The following KPNA4 variants were observed in gnomAD, a reference collection of about 807,000 sequenced individuals.
KPNA4 encodes karyopherin subunit alpha 4.
In KPNA4, 13 loss-of-function variants were observed where a neutral mutation model predicts 71.3. That is an observed-to-expected ratio of 0.18 (90% CI 0.12 to 0.29). KPNA4 has a LOEUF of 0.29. Ranked by LOEUF, KPNA4 falls within the 10% of genes least tolerant of loss-of-function variation. KPNA4 has a pLI of 1.00. For missense variants in KPNA4, 334 were observed against 603.2 expected, an observed-to-expected ratio of 0.55 and a Z score of 4.67; for synonymous variants, 189 against 195.2, an observed-to-expected ratio of 0.97 and a Z score of 0.26.
intron 11 of KPNA4, among the ~76,000 whole-genome samples, chr3:160,520,120 A>G (rs1229954485): frequency 6.6e-6 from 1 of 152,184 alleles, no homozygotes; most frequent in Non-Finnish European, 1.5e-5. Flanking sequence ...GGAAAAACAA[A>G]AAACAAAATA....
intron 1 of KPNA4, among the ~76,000 whole-genome samples, chr3:160,561,443 T>C (rs1191957674): frequency 5.9e-5 from 9 of 152,044 alleles, no homozygotes; most frequent in Admixed American, 5.9e-4. Flanking sequence ...TCTACAACAC[T>C]GTAAGAAGCA....
At chr3:160,518,051 T>TAA (rs1721263923) in intron 11 of KPNA4, among the ~76,000 whole-genome samples, 2 of 152,102 alleles carry the variant, frequency 1.3e-5, no homozygotes, top group South Asian at 4.1e-4. Flanking sequence ...TCTAGGGTCA[T>TAA]AAAAATTTAT....
At chr3:160,547,611 T>C (rs1354612288) in intron 1 of KPNA4, among the ~76,000 whole-genome samples, 1 of 152,204 alleles carries the variant, frequency 6.6e-6, no homozygotes, top group Non-Finnish European at 1.5e-5. Context: ...GGGTTCATTC[T>C]TGGTGTCGCA....
intron 5 of KPNA4, among the ~76,000 whole-genome samples, chr3:160,533,472 G>A (rs903178619): frequency 1.4e-5 from 2 of 147,634 alleles, no homozygotes; most frequent in Non-Finnish European, 1.5e-5. Flanking sequence ...AAACCACTTC[G>A]AAGAAGTCTT....
chr3:160,496,162 C>G lies in KPNA4; in HGVS notation c.*5942G>C, dbSNP rs1720758048. On this transcript the variant is annotated 3_prime_UTR_variant, in exon 17 of 17. Coordinates refer to ENST00000334256, the MANE Select transcript of KPNA4 (RefSeq NM_002268.5). ...AATTAGCCGGGCGTGGTGGTGCACG[C>G]TTGTGGTCCCAGCTACTCAGGAGGC... 6.6e-6 allele frequency: 1 copy of G among 152,372 alleles called. No individual in the cohort carries two copies. 9.4% of individuals were successfully genotyped at this position (152,372 alleles called of 1,614,324 possible).
At chr3:160,557,866 G>T (rs906370883) in intron 1 of KPNA4, among the ~76,000 whole-genome samples, 1 of 151,908 alleles carries the variant, frequency 6.6e-6, no homozygotes. Flanking sequence ...TTTTTTTGTA[G>T]AGACAAGGTC....
At chr3:160,508,810 G>C (rs986084101) in intron 14 of KPNA4, among the ~76,000 whole-genome samples, 1 of 152,052 alleles carries the variant, frequency 6.6e-6, no homozygotes, top group Non-Finnish European at 1.5e-5. Flanking sequence ...ATGAGCCACT[G>C]CATCCCGCCT....
intron 11 of KPNA4, among the ~76,000 whole-genome samples, chr3:160,519,524 G>A (rs1356313651): frequency 6.6e-6 from 1 of 152,126 alleles, no homozygotes; most frequent in Non-Finnish European, 1.5e-5. Context: ...GCCGGGCGCG[G>A]TGGCTCACGC....
At chr3:160,521,299 A>C (rs924382884) in intron 11 of KPNA4, among the ~76,000 whole-genome samples, 7 of 152,224 alleles carry the variant, frequency 4.6e-5, no homozygotes, top group African/African-American at 1.7e-4. Context: ...CCTGGTCTAC[A>C]TTAAAAATCA....
At position 160,503,611 on chromosome 3, in the gene KPNA4, A is replaced by G. The variant is rs180786615; in HGVS notation, c.1467+1347T>C. 2.6e-4 allele frequency among the ~76,000 whole-genome samples: 39 copies of G among 152,322 alleles called. No homozygotes were observed. In the East Asian group the frequency reaches 6.2e-3, roughly 24 times the overall value. On this transcript the variant is annotated intron_variant, in intron 16 of 16. Coordinates refer to ENST00000334256, the MANE Select transcript of KPNA4 (RefSeq NM_002268.5). ...AAATTCCACAATATTACAAACCTGT[A>G]GTGTACTTCCTATAACTATGTATAT...
chr3:160,531,179 A>G (rs1004007069), intron 6 of KPNA4, among the ~76,000 whole-genome samples: 2 of 152,188 alleles, frequency 1.3e-5, no homozygotes, highest in Non-Finnish European at 2.9e-5. Flanking sequence ...AGATACTTGC[A>G]TACTACTCCC....
chr3:160,553,221 G>A (rs982010424), intron 1 of KPNA4, among the ~76,000 whole-genome samples: 1 of 152,134 alleles, frequency 6.6e-6, no homozygotes, highest in Non-Finnish European at 1.5e-5. Context: ...TCCTGAAGAA[G>A]CAGTCAAATG....
intron 10 of KPNA4, among the ~76,000 whole-genome samples, chr3:160,522,629 T>C (rs1018236043): frequency 1.3e-5 from 2 of 152,322 alleles, no homozygotes; most frequent in Admixed American, 6.5e-5. Context: ...GGCTAAGTTT[T>C]GGCATTTTTC....
intron 13 of KPNA4, among the ~76,000 whole-genome samples, chr3:160,510,449 A>T (rs911147899): frequency 1.3e-5 from 2 of 152,216 alleles, no homozygotes; most frequent in African/African-American, 4.8e-5. Flanking sequence ...ATAGCCAAAA[A>T]GTAAAAACAA....
At chr3:160,508,339 A>G in intron 14 of KPNA4, 70 bp from the exon 15 acceptor site, 2 of 1,147,060 alleles carry the variant, frequency 1.7e-6, no homozygotes, top group Non-Finnish European at 2.4e-6. Flanking sequence ...TCTCACTGGA[A>G]TAATTCTGAT....
At chr3:160,541,671 A>G (rs1721801492) in intron 1 of KPNA4, among the ~76,000 whole-genome samples, 1 of 151,672 alleles carries the variant, frequency 6.6e-6, no homozygotes, top group Admixed American at 6.6e-5. Flanking sequence ...ACACACACAC[A>G]CACACACACA....
chr3:160,565,514 G>A lies in KPNA4; in HGVS notation c.-232C>T, dbSNP rs1210641637. On this transcript the variant is annotated 5_prime_UTR_variant, in exon 1 of 17. Coordinates refer to ENST00000334256, the MANE Select transcript of KPNA4 (RefSeq NM_002268.5). The stretch of plus-strand genomic sequence containing the variant: ...TCCGGCAAAGACAACTGTGGGGCCG[G>A]GCGGCGGCAAGGCGACGGAATGTGC... 1.8e-6 allele frequency: 1 copy of A among 543,074 alleles called. No individual in the cohort carries two copies. The highest frequency in any genetic ancestry group is 2.3e-5 in the South Asian group (1 of 43,098). 33.6% of individuals were successfully genotyped at this position (543,074 alleles called of 1,614,324 possible).
intron 16 of KPNA4, among the ~76,000 whole-genome samples, chr3:160,503,867 G>A (rs1720931457): frequency 6.6e-6 from 1 of 152,186 alleles, no homozygotes; most frequent in Non-Finnish European, 1.5e-5. Flanking sequence ...AGAATTGTTT[G>A]AGTCCAGGAG....
chr3:160,527,247 C>T (rs1430623444), intron 8 of KPNA4, among the ~76,000 whole-genome samples: 1 of 152,076 alleles, frequency 6.6e-6, no homozygotes, highest in East Asian at 1.9e-4. Context: ...AGATTTTTTC[C>T]ATCCTTTACT....
Sources: allele counts gnomAD v4.1 joint callset (sites outside exome capture counted in the v4.1 genomes callset), GRCh38; gene constraint gnomAD v4.1.1; transcripts MANE v1.5; gene names NCBI Gene and HGNC (gene_info 2026-07-23, HGNC 2026-07-21).